Variants in CDKN2B-AS1 observed in about 807,000 individuals in gnomAD.
The protein encoded by CDKN2B-AS1 is CDKN2B and CDKN2A antisense cis and trans regulatory RNA 1, also known as CDKN2B antisense RNA 1 (non-protein coding).
chr9:22,025,886 C>T (rs77284052), intron 1 of CDKN2B-AS1, among the ~76,000 whole-genome samples: 13,172 of 152,176 alleles, frequency 0.087, 572 homozygotes, highest in Middle Eastern at 0.13. Flanking sequence ...GCTTTAGCCC[C>T]TGATTGCCTC....
intron 4 of CDKN2B-AS1, among the ~76,000 whole-genome samples, chr9:22,112,628 C>T (rs1024940278): frequency 3.9e-5 from 6 of 152,128 alleles, no homozygotes; most frequent in Non-Finnish European, 8.8e-5. Flanking sequence ...GCAGATAAAA[C>T]AATAATTCTT....
intron 4 of CDKN2B-AS1, among the ~76,000 whole-genome samples, chr9:22,070,088 C>G (rs1824230146): frequency 6.6e-6 from 1 of 152,158 alleles, no homozygotes; most frequent in African/African-American, 2.4e-5. Context: ...GGTTAGAAAG[C>G]AAGATCAGCT....
intron 4 of CDKN2B-AS1, among the ~76,000 whole-genome samples, chr9:22,064,767 C>A (rs192669293): frequency 2.0e-5 from 3 of 152,176 alleles, no homozygotes; most frequent in African/African-American, 7.2e-5. Context: ...CTGGGGTGGA[C>A]TCATGATGAG....
chr9:22,128,093 A>G (rs1202693427), exon 5 of CDKN2B-AS1, among the ~76,000 whole-genome samples: 2 of 152,216 alleles, frequency 1.3e-5, no homozygotes, highest in South Asian at 2.1e-4. Flanking sequence ...ATACCTATGC[A>G]TTATATTGGA....
intron 1 of CDKN2B-AS1, chr9:22,008,813 C>T: frequency 6.2e-7 from 1 of 1,606,016 alleles, no homozygotes; most frequent in Non-Finnish European, 8.5e-7. Flanking sequence ...TCGCGCGCCT[C>T]CCGAAACGGT....
rs80298469 is a variant in CDKN2B-AS1 at position 22,068,932 on chromosome 9, G to C, written n.438+12545G>C. Reference sequence around the variant, plus strand: ...GCCCCTGGCCTACAGTGAATCATGGGAATTACCCCAGGGACCTATGCTTTG... The same window carrying C: ...GCCCCTGGCCTACAGTGAATCATGGCAATTACCCCAGGGACCTATGCTTTG... On this transcript the variant is annotated intron_variant and non_coding_transcript_variant, in intron 4 of 4. Transcript: ENST00000650946. Among the ~76,000 whole-genome samples, 787 of 152,216 alleles carry C rather than the reference G, an allele frequency of 5.2e-3. 1 individual carries two copies. Among genetic ancestry groups the C allele is most frequent in the Non-Finnish European group, 7.7e-3 (522 of 68,008 alleles).
At chr9:22,087,754 G>T (rs1041049797) in intron 4 of CDKN2B-AS1, among the ~76,000 whole-genome samples, 1 of 151,994 alleles carries the variant, frequency 6.6e-6, no homozygotes, top group Non-Finnish European at 1.5e-5. Flanking sequence ...TTTTCCTTAA[G>T]TTGTCTCTCC....
At chr9:22,127,430 T>C (rs1375576151) in exon 5 of CDKN2B-AS1, among the ~76,000 whole-genome samples, 1 of 152,228 alleles carries the variant, frequency 6.6e-6, no homozygotes, top group African/African-American at 2.4e-5. Flanking sequence ...CACTGCCTCT[T>C]AGTAATTTTT....
chr9:22,044,187 C>G (rs1460623599), intron 1 of CDKN2B-AS1, among the ~76,000 whole-genome samples: 1 of 151,932 alleles, frequency 6.6e-6, no homozygotes, highest in South Asian at 2.1e-4. Flanking sequence ...TTTTAGTCAG[C>G]TCAGATTTCA....
chr9:22,097,060 C>G (rs186374988), intron 4 of CDKN2B-AS1, among the ~76,000 whole-genome samples: 19 of 152,318 alleles, frequency 1.2e-4, no homozygotes, highest in Non-Finnish European at 1.8e-4. Context: ...TGTCTTCCAT[C>G]CATACCAAAG....
At chr9:22,011,747 AGAGT>A (rs776608599) in intron 1 of CDKN2B-AS1, among the ~76,000 whole-genome samples, 1 of 152,250 alleles carries the variant, frequency 6.6e-6, no homozygotes, top group Non-Finnish European at 1.5e-5. Context: ...CTTGGACAAT[AGAGT>A]GAGATTATGA....
At chr9:22,008,540 AG>A in intron 1 of CDKN2B-AS1, 1 of 857,700 alleles carries the variant, frequency 1.2e-6, no homozygotes, top group Non-Finnish European at 1.7e-6. Flanking sequence ...TCCCCAATTC[AG>A]TCTATTCCTT....
At chr9:22,009,907 C>A (rs1437288585) in intron 1 of CDKN2B-AS1, among the ~76,000 whole-genome samples, 3 of 151,996 alleles carry the variant, frequency 2.0e-5, no homozygotes, top group African/African-American at 4.8e-5. Context: ...TAATTCTTTC[C>A]ATTTTTGCAT....
chr9:22,079,512 A>C (rs1440840063), intron 4 of CDKN2B-AS1, among the ~76,000 whole-genome samples: 1 of 151,782 alleles, frequency 6.6e-6, no homozygotes, highest in African/African-American at 2.4e-5. Context: ...CATCTAAAAA[A>C]AAAAAAAAAA....
intron 2 of CDKN2B-AS1, among the ~76,000 whole-genome samples, chr9:22,048,790 T>C (rs1306763237): frequency 6.6e-6 from 1 of 152,180 alleles, no homozygotes; most frequent in Non-Finnish European, 1.5e-5. Flanking sequence ...TGCATTACTC[T>C]TGCCTGAGGT....
At chr9:22,030,541 G>A (rs1822425785) in intron 1 of CDKN2B-AS1, 1 of 152,038 alleles carries the variant, frequency 6.6e-6, no homozygotes, top group Admixed American at 6.5e-5. Flanking sequence ...TGTAAGAGGT[G>A]GAAAAAGATG....
At chr9:22,029,566 A>C (rs1822381331) in intron 1 of CDKN2B-AS1, 1 of 778,260 alleles carries the variant, frequency 1.3e-6, no homozygotes, top group Non-Finnish European at 2.4e-6. Flanking sequence ...AGGGTGTGGT[A>C]TGTGCCACTG....
intron 1 of CDKN2B-AS1, among the ~76,000 whole-genome samples, chr9:22,021,541 T>G (rs1158364283): frequency 6.6e-6 from 1 of 152,242 alleles, no homozygotes; most frequent in Non-Finnish European, 1.5e-5. Flanking sequence ...ACAATACTGA[T>G]TCTTCCTATA....
At chr9:22,072,367 G>A (rs1317042364) in intron 4 of CDKN2B-AS1, among the ~76,000 whole-genome samples, 2 of 152,202 alleles carry the variant, frequency 1.3e-5, no homozygotes, top group African/African-American at 4.8e-5. Flanking sequence ...CTACATTTGA[G>A]TAGTTCCATT....
Sources: allele counts gnomAD v4.1 joint callset (sites outside exome capture counted in the v4.1 genomes callset), GRCh38; gene constraint gnomAD v4.1.1; transcripts MANE v1.5; gene names NCBI Gene and HGNC (gene_info 2026-07-23, HGNC 2026-07-21).